The following SCLT1 variants were observed in gnomAD, a reference collection of about 807,000 sequenced individuals.
The protein encoded by SCLT1 is sodium channel-associated protein 1.
SCLT1 carries 78 observed loss-of-function variants against 112.8 expected under a neutral mutation model. That is an observed-to-expected ratio of 0.69 (90% CI 0.58 to 0.83). The LOEUF is 0.83. Among genes scored for constraint, SCLT1 ranks in the 40% least tolerant of loss-of-function variants. The pLI is 0.00. For missense variants in SCLT1, 747 were observed against 770.4 expected (o/e 0.97, Z 0.36); for synonymous variants, 257 against 254.7 (o/e 1.01, Z -0.09).
At chr4:129,021,562 G>A (rs1356432087) in intron 5 of SCLT1, among the ~76,000 whole-genome samples, 1 of 152,192 alleles carries the variant, frequency 6.6e-6, no homozygotes, top group Non-Finnish European at 1.5e-5. Flanking sequence ...ACAGTGCTGA[G>A]GCTGGGAAGT....
intron 10 of SCLT1, among the ~76,000 whole-genome samples, chr4:128,969,162 C>T (rs1740457508): frequency 6.6e-6 from 1 of 152,142 alleles, no homozygotes; most frequent in African/African-American, 2.4e-5. Context: ...GGGTCCCTCC[C>T]CCACTTCCAT....
chr4:128,981,988 A>T (rs1741697520), intron 9 of SCLT1, among the ~76,000 whole-genome samples: 1 of 152,104 alleles, frequency 6.6e-6, no homozygotes, highest in African/African-American at 2.4e-5. Flanking sequence ...ACAGTAAGCT[A>T]ATTTAGAGGT....
intron 5 of SCLT1, among the ~76,000 whole-genome samples, chr4:129,026,455 G>T (rs555905718): frequency 6.6e-6 from 1 of 151,902 alleles, no homozygotes; most frequent in Non-Finnish European, 1.5e-5. Flanking sequence ...TGACTACTGG[G>T]TAAATAATGA....
intron 11 of SCLT1, among the ~76,000 whole-genome samples, chr4:128,961,098 AT>A (rs1250107949): frequency 6.6e-5 from 10 of 151,216 alleles, no homozygotes; most frequent in South Asian, 2.1e-4. Flanking sequence ...AAATTTGACT[AT>A]TTTTTTTCAA....
chr4:129,039,891 TGCGC>T (rs139255081), intron 4 of SCLT1: 30 of 264,070 alleles, frequency 1.1e-4, no homozygotes, highest in Middle Eastern at 1.0e-3. Flanking sequence ...ATGGAGAGTG[TGCGC>T]GCGCGCACAC....
In SCLT1 at chr4:129,089,824, G is replaced by A. The variant is rs1018566162; in HGVS notation, c.34+3246C>T. 2.0e-4 allele frequency among the ~76,000 whole-genome samples: 30 copies of A among 151,872 alleles called. 1 individual carries two copies. The highest frequency in any genetic ancestry group is 7.3e-4 in the African/African-American group (30 of 41,346). Reference sequence around the variant, plus strand: ...TGGGAGCTGAACAAGGAGAACACGTGGACACAGGGAGGGGAACACCACACA... The same window carrying A: ...TGGGAGCTGAACAAGGAGAACACGTAGACACAGGGAGGGGAACACCACACA... On this transcript the variant is annotated intron_variant, in intron 1 of 20. Transcript: ENST00000281142.
chr4:128,885,279 A>G (rs984939346), intron 20 of SCLT1, among the ~76,000 whole-genome samples: 1 of 152,238 alleles, frequency 6.6e-6, no homozygotes, highest in Non-Finnish European at 1.5e-5. Context: ...AACGGTAGAC[A>G]GCATAAAGGA....
At chr4:128,947,496 T>C (rs909466090) in intron 15 of SCLT1, among the ~76,000 whole-genome samples, 1 of 152,214 alleles carries the variant, frequency 6.6e-6, no homozygotes, top group Non-Finnish European at 1.5e-5. Flanking sequence ...ATAATAGATA[T>C]AGACCATAAT....
chr4:128,986,742 C>A (rs1476443844), intron 9 of SCLT1, among the ~76,000 whole-genome samples: 2 of 152,172 alleles, frequency 1.3e-5, no homozygotes, highest in Admixed American at 6.5e-5. Flanking sequence ...ATGGGATGGA[C>A]CCCATCCTAG....
chr4:129,028,919 TG>T (rs1373334429), intron 5 of SCLT1, among the ~76,000 whole-genome samples: 4 of 151,742 alleles, frequency 2.6e-5, no homozygotes, highest in African/African-American at 9.7e-5. Flanking sequence ...AAAAAGCATG[TG>T]AAAAAACGCT....
chr4:128,999,262 AT>A (rs1278593802), intron 7 of SCLT1, among the ~76,000 whole-genome samples: 1 of 152,010 alleles, frequency 6.6e-6, no homozygotes, highest in Non-Finnish European at 1.5e-5. Flanking sequence ...GGGTATTAAC[AT>A]TTGATTTTAC....
intron 18 of SCLT1, 46 bp from the exon 19 acceptor site, chr4:128,891,183 G>A: frequency 7.2e-7 from 1 of 1,385,600 alleles, no homozygotes; most frequent in Non-Finnish European, 1.0e-6. Flanking sequence ...GTTCCAAATA[G>A]AAAACAGAAT....
At chr4:129,083,953 T>C (rs1752178766) in intron 1 of SCLT1, among the ~76,000 whole-genome samples, 3 of 152,080 alleles carry the variant, frequency 2.0e-5, no homozygotes, top group Admixed American at 1.3e-4. Flanking sequence ...AATATGATCA[T>C]CTCAAAAGTT....
At chr4:129,053,827 T>C (rs1384806346) in intron 2 of SCLT1, among the ~76,000 whole-genome samples, 1 of 152,076 alleles carries the variant, frequency 6.6e-6, no homozygotes, top group Non-Finnish European at 1.5e-5. Flanking sequence ...GCCCATTAGT[T>C]GATGCAGTTT....
chr4:129,052,196 GTA>G (rs1268812031), intron 2 of SCLT1, among the ~76,000 whole-genome samples: 3 of 151,992 alleles, frequency 2.0e-5, no homozygotes, highest in African/African-American at 7.3e-5. Context: ...TTTTTTTGTT[GTA>G]TCTCTGCCAG....
At chr4:129,059,281 G>A (rs926078877) in intron 2 of SCLT1, among the ~76,000 whole-genome samples, 1 of 152,034 alleles carries the variant, frequency 6.6e-6, no homozygotes, top group African/African-American at 2.4e-5. Context: ...TTAGATTCAT[G>A]GTTATTATTG....
chr4:129,016,631 T>C (rs1745018388), intron 5 of SCLT1, among the ~76,000 whole-genome samples: 1 of 152,208 alleles, frequency 6.6e-6, no homozygotes, highest in Non-Finnish European at 1.5e-5. Context: ...TCCACAAGTG[T>C]GATGGATGCT....
intron 8 of SCLT1, among the ~76,000 whole-genome samples, chr4:128,994,110 G>T (rs1338740699): frequency 6.6e-6 from 1 of 151,960 alleles, no homozygotes; most frequent in Non-Finnish European, 1.5e-5. Context: ...GTACAATATT[G>T]CACAGATCTC....
chr4:128,903,776 TTC>T (rs1176335837), intron 18 of SCLT1, among the ~76,000 whole-genome samples: 4 of 152,162 alleles, frequency 2.6e-5, no homozygotes, highest in Admixed American at 2.0e-4. Context: ...ATCTTCTTAT[TTC>T]TCTGTCAGGA....
Sources: gnomAD v4.1 joint callset for allele counts (sites outside exome capture counted in the v4.1 genomes callset) on GRCh38, gnomAD v4.1.1 for gene constraint, MANE v1.5 for transcripts, NCBI Gene and HGNC (gene_info 2026-07-23, HGNC 2026-07-21) for gene names.